Variants in TAOK3 observed in about 807,000 individuals in gnomAD.
TAOK3 encodes TAO kinase 3.
TAOK3 carries 40 observed loss-of-function variants against 120.4 expected under a neutral mutation model. The ratio of observed to expected loss-of-function variants is 0.33; its 90% CI spans 0.26 to 0.43. The LOEUF (loss-of-function observed/expected upper bound fraction) is 0.43. Ranked by LOEUF, TAOK3 falls within the 20% of genes least tolerant of loss-of-function variation. The probability of loss-of-function intolerance (pLI) is 1.00; values close to 1 mark genes in which losing one functional copy is unlikely to be tolerated. For synonymous variants in TAOK3, 355 were observed against 387.5 expected, an observed-to-expected ratio of 0.92 and a Z score of 0.99; for missense variants, 821 against 1,112.1, an observed-to-expected ratio of 0.74 and a Z score of 3.72.
intron 11 of TAOK3, among the ~76,000 whole-genome samples, chr12:118,206,920 G>A (rs941201136): frequency 2.6e-5 from 4 of 152,008 alleles, no homozygotes; most frequent in African/African-American, 7.2e-5. Flanking sequence ...AAAGCCCACT[G>A]TTCTCCAAAC....
chr12:118,261,859 T>C (rs2041242817), intron 2 of TAOK3, among the ~76,000 whole-genome samples: 1 of 151,574 alleles, frequency 6.6e-6, no homozygotes, highest in South Asian at 2.1e-4. Flanking sequence ...ATGATTACAC[T>C]TCTTTTTTTT....
chr12:118,331,827 ATT>A (rs1279110025), intron 1 of TAOK3, among the ~76,000 whole-genome samples: 18 of 142,100 alleles, frequency 1.3e-4, no homozygotes, highest in Admixed American at 2.1e-4. Context: ...AAATACATGA[ATT>A]TTTTTTTTTT....
intron 11 of TAOK3, among the ~76,000 whole-genome samples, chr12:118,205,928 CTT>C (rs556802843): frequency 6.3e-4 from 90 of 142,070 alleles, no homozygotes; most frequent in Admixed American, 7.1e-4. Flanking sequence ...CTCTCTCTCT[CTT>C]TTTTTTTTTT....
At chr12:118,343,481 C>T (rs138725979) in intron 1 of TAOK3, among the ~76,000 whole-genome samples, 15 of 150,598 alleles carry the variant, frequency 1.0e-4, no homozygotes, top group African/African-American at 3.7e-4. Context: ...ATGTAAGTGA[C>T]CCTTTACATT....
intron 1 of TAOK3, among the ~76,000 whole-genome samples, chr12:118,328,222 G>T (rs765933298): frequency 4.6e-5 from 7 of 151,916 alleles, no homozygotes; most frequent in Non-Finnish European, 7.4e-5. Flanking sequence ...CACCACGCCT[G>T]GCTAATTTTT....
chr12:118,227,018 T>C (rs17586463), intron 9 of TAOK3, among the ~76,000 whole-genome samples: 5,769 of 151,960 alleles, frequency 0.038, 143 homozygotes, highest in East Asian at 0.08. Flanking sequence ...TTGAAGAAGA[T>C]TGGAAAGGGA....
chr12:118,202,969 G>A (rs750108338), intron 11 of TAOK3, among the ~76,000 whole-genome samples: 3 of 151,584 alleles, frequency 2.0e-5, no homozygotes, highest in Non-Finnish European at 2.9e-5. Context: ...TAGTAGAGAC[G>A]AGGTTTCACC....
At chr12:118,233,374 C>T (rs456228) in intron 9 of TAOK3, among the ~76,000 whole-genome samples, 70,857 of 151,026 alleles carry the variant, frequency 0.47, 17,323 homozygotes, top group Non-Finnish European at 0.54. Flanking sequence ...GCACATTGTG[C>T]ACATGTACCC....
intron 3 of TAOK3, among the ~76,000 whole-genome samples, chr12:118,255,100 T>G (rs972797864): frequency 1.3e-5 from 2 of 151,482 alleles, no homozygotes; most frequent in African/African-American, 2.4e-5. Flanking sequence ...AATAAGTGAG[T>G]CAATTGATTA....
At chr12:118,343,272 C>T (rs988373951) in intron 1 of TAOK3, among the ~76,000 whole-genome samples, 8 of 151,534 alleles carry the variant, frequency 5.3e-5, no homozygotes, top group African/African-American at 1.7e-4. Flanking sequence ...TACAAAAATA[C>T]AAAAATTAGC....
chr12:118,333,464 T>C (rs1566132681), intron 1 of TAOK3, among the ~76,000 whole-genome samples: 2 of 152,274 alleles, frequency 1.3e-5, no homozygotes, highest in Non-Finnish European at 1.5e-5. Flanking sequence ...ATATCAAAAT[T>C]TGTGCAATGC....
intron 9 of TAOK3, among the ~76,000 whole-genome samples, chr12:118,226,885 G>A (rs1159413469): frequency 6.6e-6 from 1 of 152,058 alleles, no homozygotes; most frequent in Non-Finnish European, 1.5e-5. Context: ...TATCTCTTGG[G>A]GTCTGTACTT....
At chr12:118,328,417 G>A (rs965293920) in intron 1 of TAOK3, among the ~76,000 whole-genome samples, 1 of 152,028 alleles carries the variant, frequency 6.6e-6, no homozygotes, top group Non-Finnish European at 1.5e-5. Flanking sequence ...ACAGAAATAC[G>A]ACTAATACAA....
At chr12:118,182,617 ATATATATT>A (rs2036819233) in intron 14 of TAOK3, among the ~76,000 whole-genome samples, 5 of 89,746 alleles carry the variant, frequency 5.6e-5, no homozygotes, top group South Asian at 3.5e-4. Flanking sequence ...ATATATATAT[ATATATATT>A]TTTTTTTTTT....
At chr12:118,311,739 G>A (rs1483841637) in intron 1 of TAOK3, among the ~76,000 whole-genome samples, 1 of 152,154 alleles carries the variant, frequency 6.6e-6, no homozygotes, top group East Asian at 1.9e-4. Context: ...AATAAAAGTT[G>A]TCATATAGCA....
chr12:118,352,853 G>C (rs2045234590), intron 1 of TAOK3, among the ~76,000 whole-genome samples: 1 of 152,112 alleles, frequency 6.6e-6, no homozygotes, highest in Non-Finnish European at 1.5e-5. Flanking sequence ...TGGGATTACA[G>C]GTGTGTGCCA....
chr12:118,360,818 G>T (rs1160880111), intron 1 of TAOK3, among the ~76,000 whole-genome samples: 1 of 152,150 alleles, frequency 6.6e-6, no homozygotes, highest in African/African-American at 2.4e-5. Context: ...TAGTTACTAA[G>T]AAGCATTGTA....
At position 118,321,848 on chromosome 12, in the gene TAOK3, C is replaced by T. The variant is rs149411467; in HGVS notation, c.-194+50800G>A. Among the ~76,000 whole-genome samples, 26 of 151,266 alleles carry T rather than the reference C, an allele frequency of 1.7e-4. No homozygotes were observed. In the East Asian group the frequency reaches 2.9e-3, roughly 17 times the overall value. ...ATTTTTGCAAGTTTTTTTTTTGAGA[C>T]GGAGTCTCACTGTCTCCCAGGCTGT... is the stretch of plus-strand genomic sequence containing the variant. On this transcript the variant is annotated intron_variant, in intron 1 of 20. Transcript: ENST00000392533.
In TAOK3 at chr12:118,212,956, C is replaced by T. The variant is rs2038705112; in HGVS notation, c.777G>A (p.Gln259=). 2 of 1,612,872 alleles carry T rather than the reference C, an allele frequency of 1.2e-6. No homozygotes were observed. Among genetic ancestry groups the T allele is most frequent in the Non-Finnish European group, 1.7e-6 (2 of 1,179,706 alleles). The change falls in exon 11 of 21, where the codon CAG becomes CAA. Residue 259 remains glutamine, a synonymous_variant. Transcript: ENST00000392533. ...SFRRFVDYCL[Q]KIPQERPTSA... Reference sequence around the variant, plus strand: ...ATGTTGGCCTTTCCTGAGGTATTTTCTGCAAGCAGTAATCAACAAATCTCC... The same window carrying T: ...ATGTTGGCCTTTCCTGAGGTATTTTTTGCAAGCAGTAATCAACAAATCTCC...
Sources: allele counts gnomAD v4.1 joint callset (sites outside exome capture counted in the v4.1 genomes callset), GRCh38; gene constraint gnomAD v4.1.1; transcripts MANE v1.5; gene names NCBI Gene and HGNC (gene_info 2026-07-23, HGNC 2026-07-21).